CPAP: variants seen among roughly 807,000 people sequenced by gnomAD.
The protein encoded by CPAP is centrosome assembly and centriole elongation protein.
At chr13:24,905,342 T>C in the CPAP span, 2 of 1,613,102 alleles carry the variant, frequency 1.2e-6, no homozygotes, top group Non-Finnish European at 1.7e-6. Flanking sequence ...ATGCTCTGAC[T>C]CACCAGGTGG....
At chr13:24,886,803 A>T in the CPAP span, among the ~76,000 whole-genome samples, 1 of 152,258 alleles carries the variant, frequency 6.6e-6, no homozygotes, top group African/African-American at 2.4e-5. Flanking sequence ...AAGTGGTTAA[A>T]TAACCTACTA....
the CPAP span, among the ~76,000 whole-genome samples, chr13:24,894,218 G>T: frequency 2.0e-5 from 3 of 152,230 alleles, no homozygotes; most frequent in Non-Finnish European, 4.4e-5. Flanking sequence ...ATATGGAGGT[G>T]TCTGAGCGAA....
chr13:24,910,149 G>T, the CPAP span: 4 of 1,465,006 alleles, frequency 2.7e-6, no homozygotes, highest in Non-Finnish European at 3.8e-6. Context: ...TTTATCCCCA[G>T]TAGTGACCCC....
the CPAP span, chr13:24,905,294 T>A: frequency 6.6e-7 from 1 of 1,511,522 alleles, no homozygotes; most frequent in Non-Finnish European, 9.2e-7. Context: ...GCATACTGAT[T>A]AATGTTAAAT....
the CPAP span, chr13:24,912,148 T>C: frequency 2.2e-6 from 3 of 1,359,788 alleles, no homozygotes; most frequent in Non-Finnish European, 3.1e-6. Context: ...ATTCCTCCCA[T>C]CTCCCTCCTC....
chr13:24,886,364 G>A, the CPAP span: 12 of 1,289,088 alleles, frequency 9.3e-6, no homozygotes, highest in African/African-American at 6.1e-5. Context: ...GCTGCTGGGC[G>A]TGTGAGGCGG....
the CPAP span, chr13:24,933,062 G>C: frequency 3.8e-6 from 6 of 1,587,436 alleles, no homozygotes; most frequent in Admixed American, 1.7e-5. Context: ...TACTTACCTC[G>C]GCAGCAGAAG....
At chr13:24,933,131 C>T in the CPAP span, 1 of 1,571,970 alleles carries the variant, frequency 6.4e-7, no homozygotes, top group Non-Finnish European at 8.7e-7. Context: ...TCATTAAATC[C>T]TCAGGTATTT....
the CPAP span, chr13:24,933,169 A>T: frequency 6.8e-7 from 1 of 1,461,014 alleles, no homozygotes; most frequent in Non-Finnish European, 9.6e-7. Flanking sequence ...CAGTGTGATA[A>T]AACATCGCGC....
At chr13:24,885,023 A>C in the CPAP span, among the ~76,000 whole-genome samples, 1 of 152,214 alleles carries the variant, frequency 6.6e-6, no homozygotes, top group Non-Finnish European at 1.5e-5. Flanking sequence ...GGATCAGTAT[A>C]AGAAAGGCTG....
At chr13:24,900,876 T>G in the CPAP span, among the ~76,000 whole-genome samples, 1 of 152,110 alleles carries the variant, frequency 6.6e-6, no homozygotes, top group Non-Finnish European at 1.5e-5. Flanking sequence ...ACTCCAAGAT[T>G]TTCCACTGGG....
At chr13:24,932,990 T>C in the CPAP span, 1 of 1,553,592 alleles carries the variant, frequency 6.4e-7, no homozygotes, top group Non-Finnish European at 8.9e-7. Flanking sequence ...CTTAAAAACT[T>C]TGTTTCCTAC....
At chr13:24,901,360 T>C in the CPAP span, among the ~76,000 whole-genome samples, 1 of 152,174 alleles carries the variant, frequency 6.6e-6, no homozygotes, top group Admixed American at 6.5e-5. Context: ...AATACAAACT[T>C]TAGCAGGTGA....
chr13:24,886,125 TA>T, the CPAP span: 1 of 410,030 alleles, frequency 2.4e-6, no homozygotes, highest in South Asian at 1.9e-5. Flanking sequence ...CATTACAAAA[TA>T]AACACGCCCC....
chr13:24,902,871 C>G, the CPAP span, among the ~76,000 whole-genome samples: 2 of 152,298 alleles, frequency 1.3e-5, no homozygotes, highest in South Asian at 4.1e-4. Flanking sequence ...CCGCAGCAGG[C>G]AGCCATGGGA....
the CPAP span, chr13:24,912,644 C>A: frequency 6.2e-7 from 1 of 1,613,716 alleles, no homozygotes; most frequent in South Asian, 1.1e-5. Context: ...CTCGCAAGAT[C>A]TGGGATGAAG....
chr13:24,901,411 G>C, the CPAP span, among the ~76,000 whole-genome samples: 1 of 152,216 alleles, frequency 6.6e-6, no homozygotes, highest in Non-Finnish European at 1.5e-5. Context: ...TTGAAAGACT[G>C]CTAACGCTCA....
At chr13:24,918,424 G>A in the CPAP span, among the ~76,000 whole-genome samples, 1 of 152,122 alleles carries the variant, frequency 6.6e-6, no homozygotes, top group Non-Finnish European at 1.5e-5. Flanking sequence ...TAAGGGTTAG[G>A]GGGACCAACT....
chr13:24,919,544 C>T, the CPAP span, among the ~76,000 whole-genome samples: 2 of 151,834 alleles, frequency 1.3e-5, no homozygotes, highest in Non-Finnish European at 2.9e-5. Flanking sequence ...CTCAAGCCTC[C>T]GGAGTAGCCA....
Sources: gnomAD v4.1 joint callset for allele counts (sites outside exome capture counted in the v4.1 genomes callset) on GRCh38, gnomAD v4.1.1 for gene constraint, MANE v1.5 for transcripts, NCBI Gene and HGNC (gene_info 2026-07-23, HGNC 2026-07-21) for gene names.